Variants in CNTN4 observed in about 807,000 individuals in gnomAD.
The protein encoded by CNTN4 is contactin-4.
A neutral mutation model predicts 122.5 loss-of-function variants in CNTN4; 77 were observed. The ratio of observed to expected loss-of-function variants is 0.63; its 90% CI spans 0.52 to 0.76. The LOEUF (loss-of-function observed/expected upper bound fraction) is 0.76. Among genes scored for constraint, CNTN4 ranks in the 30% least tolerant of loss-of-function variants. The probability of loss-of-function intolerance (pLI) is 0.00; values close to 1 mark genes in which losing one functional copy is unlikely to be tolerated. For missense variants in CNTN4, 1,256 were observed against 1,259.1 expected, an observed-to-expected ratio of 1.00 and a Z score of 0.04; for synonymous variants, 512 against 447.0, an observed-to-expected ratio of 1.15 and a Z score of -1.83.
chr3:2,534,186 T>C (rs1166209225), intron 3 of CNTN4, among the ~76,000 whole-genome samples: 4 of 152,330 alleles, frequency 2.6e-5, no homozygotes, highest in East Asian at 1.9e-4. Context: ...TGCCCATGCC[T>C]ATGTCCTGAA....
chr3:2,782,155 G>C (rs909633320), intron 6 of CNTN4, among the ~76,000 whole-genome samples: 4 of 152,018 alleles, frequency 2.6e-5, no homozygotes, highest in African/African-American at 9.7e-5. Context: ...TGAAGTCTGT[G>C]TTGATGTTAA....
At chr3:2,276,384 G>A (rs2149856805) in intron 2 of CNTN4, among the ~76,000 whole-genome samples, 1 of 152,186 alleles carries the variant, frequency 6.6e-6, no homozygotes, top group African/African-American at 2.4e-5. Flanking sequence ...ACGTTGGCCA[G>A]GCTGGTCTTG....
chr3:2,521,251 T>C (rs930588064), intron 3 of CNTN4, among the ~76,000 whole-genome samples: 24 of 152,020 alleles, frequency 1.6e-4, no homozygotes, highest in African/African-American at 4.8e-5. Flanking sequence ...TCTTATTTGT[T>C]TGAAGATAGG....
At chr3:2,736,106 C>G (rs574506945) in intron 4 of CNTN4, 109 bp from the exon 5 acceptor site, 12 of 1,142,492 alleles carry the variant, frequency 1.1e-5, no homozygotes, top group Admixed American at 5.1e-5. Context: ...TTGTGCCTTA[C>G]TATTTTTTGT....
intron 10 of CNTN4, among the ~76,000 whole-genome samples, chr3:2,897,498 C>T (rs185062030): frequency 2.1e-4 from 31 of 151,210 alleles, no homozygotes; most frequent in Admixed American, 2.6e-4. Context: ...CTAACCTGTT[C>T]AGGCCTTCCT....
At chr3:2,823,069 G>C (rs2092912528) in intron 7 of CNTN4, among the ~76,000 whole-genome samples, 1 of 152,194 alleles carries the variant, frequency 6.6e-6, no homozygotes, top group Non-Finnish European at 1.5e-5. Flanking sequence ...ATTATCTGAT[G>C]AAATCCTTCC....
At chr3:2,198,028 G>GA (rs5846169) in intron 2 of CNTN4, among the ~76,000 whole-genome samples, 43,745 of 137,846 alleles carry the variant, frequency 0.32, 8,016 homozygotes, top group Non-Finnish European at 0.43. Flanking sequence ...ACTCTCTCTG[G>GA]AAAAAAAAAA....
At chr3:2,658,124 G>A (rs1313642249) in intron 4 of CNTN4, among the ~76,000 whole-genome samples, 1 of 150,856 alleles carries the variant, frequency 6.6e-6, no homozygotes, top group Non-Finnish European at 1.5e-5. Flanking sequence ...GGGGGTACCT[G>A]GCAAAACTCC....
At chr3:2,591,817 G>C (rs540094290) in intron 4 of CNTN4, among the ~76,000 whole-genome samples, 1 of 152,346 alleles carries the variant, frequency 6.6e-6, no homozygotes, top group Non-Finnish European at 1.5e-5. Context: ...GCCAGGTGTA[G>C]TAGTCTGCTC....
intron 4 of CNTN4, among the ~76,000 whole-genome samples, chr3:2,597,423 A>G (rs78023082): frequency 0.055 from 8,321 of 152,240 alleles, 316 homozygotes; most frequent in Non-Finnish European, 0.076. Flanking sequence ...GGAGCACCTT[A>G]TGCCTCAATG....
intron 2 of CNTN4, among the ~76,000 whole-genome samples, chr3:2,255,654 A>G (rs945424231): frequency 1.3e-5 from 2 of 152,196 alleles, no homozygotes; most frequent in Non-Finnish European, 2.9e-5. Flanking sequence ...CCGCACAACT[A>G]CATGGAAACT....
intron 8 of CNTN4, among the ~76,000 whole-genome samples, chr3:2,868,251 C>G (rs1489083213): frequency 6.6e-6 from 1 of 152,126 alleles, no homozygotes. Context: ...TAAACATTTT[C>G]TTTTGCAGAC....
At chr3:2,117,343 T>G (rs1161701161) in intron 2 of CNTN4, among the ~76,000 whole-genome samples, 1 of 152,216 alleles carries the variant, frequency 6.6e-6, no homozygotes, top group Non-Finnish European at 1.5e-5. Context: ...GGCCCCACAC[T>G]GGGCCTTTCA....
chr3:2,136,088 C>G, intron 2 of CNTN4, among the ~76,000 whole-genome samples: 1 of 152,160 alleles, frequency 6.6e-6, no homozygotes, highest in East Asian at 1.9e-4. Flanking sequence ...TCAATCTAGT[C>G]AGATCTGCTG....
chr3:2,890,845 C>A (rs188867716), intron 10 of CNTN4, among the ~76,000 whole-genome samples: 4 of 152,200 alleles, frequency 2.6e-5, no homozygotes, highest in African/African-American at 4.8e-5. Context: ...ATAACCTGTA[C>A]GGTCTAGTTG....
intron 2 of CNTN4, among the ~76,000 whole-genome samples, chr3:2,130,515 A>G (rs2125274939): frequency 6.6e-6 from 1 of 152,332 alleles, no homozygotes; most frequent in Admixed American, 6.5e-5. Context: ...TGCAGTTCTA[A>G]TTACATGCCT....
intron 3 of CNTN4, among the ~76,000 whole-genome samples, chr3:2,548,097 G>A (rs368051803): frequency 7.5e-4 from 114 of 152,150 alleles, no homozygotes; most frequent in African/African-American, 2.5e-3. Flanking sequence ...TGGATAGATT[G>A]CAAAAAATTT....
intron 6 of CNTN4, among the ~76,000 whole-genome samples, chr3:2,760,174 A>G (rs1198422246): frequency 6.6e-6 from 1 of 152,108 alleles, no homozygotes; most frequent in Non-Finnish European, 1.5e-5. Context: ...CAGAAGTTTT[A>G]ATTTTGGTAA....
intron 6 of CNTN4, among the ~76,000 whole-genome samples, chr3:2,798,129 G>A (rs1441434597): frequency 1.4e-5 from 2 of 140,492 alleles, no homozygotes; most frequent in Admixed American, 7.7e-5. Flanking sequence ...ATGTTGATAT[G>A]TACACACGTT....
Sources: gnomAD v4.1 joint callset for allele counts (sites outside exome capture counted in the v4.1 genomes callset) on GRCh38, gnomAD v4.1.1 for gene constraint, MANE v1.5 for transcripts, NCBI Gene and HGNC (gene_info 2026-07-23, HGNC 2026-07-21) for gene names.